FKBP15: variants seen among roughly 807,000 people sequenced by gnomAD.
The protein encoded by FKBP15 is FK506-binding protein 15.
Under a neutral mutation model 158.1 loss-of-function variants are expected in FKBP15, and 106 were observed. The observed-to-expected ratio is 0.67, with a 90% CI of 0.57 to 0.79. FKBP15 has a LOEUF of 0.79. FKBP15 is among the 30% of genes least tolerant of loss of function. The probability of loss-of-function intolerance (pLI) is 0.00; values close to 1 mark genes in which losing one functional copy is unlikely to be tolerated. For missense variants in FKBP15, 1,287 were observed against 1,479.1 expected (o/e 0.87, Z 2.13); for synonymous variants, 547 against 548.6 (o/e 1.00, Z 0.04).
rs1235087665 is a variant in FKBP15 at position 113,170,199 on chromosome 9, C to T, written c.2767-257G>A. ...AGTGCAGTTGGGGGCAATCATGGCT[C>T]ACTGTAGTCTTGAACTCCTGGGCTC... On this transcript the variant is annotated intron_variant, in intron 25 of 27. Coordinates refer to ENST00000238256, the MANE Select transcript of FKBP15 (RefSeq NM_015258.2). Among the ~76,000 whole-genome samples the T allele has an allele frequency of 3.3e-5, 5 of 152,190 alleles. No homozygotes were observed. The South Asian group carries it at 6.2e-4, about 19-fold the overall frequency.
At chr9:113,216,083 GAAAAAAA>G (rs71491081) in intron 1 of FKBP15, among the ~76,000 whole-genome samples, 5 of 86,014 alleles carry the variant, frequency 5.8e-5, no homozygotes, top group Admixed American at 1.5e-4. Flanking sequence ...TTTATTTTGT[GAAAAAAA>G]AAAAAAAAAA....
intron 4 of FKBP15, chr9:113,206,221 C>A: frequency 2.1e-6 from 1 of 467,376 alleles, no homozygotes; most frequent in Non-Finnish European, 3.8e-6. Context: ...TGTACACACG[C>A]ACCCCACAAT....
intron 26 of FKBP15, 104 bp downstream of exon 26, chr9:113,169,120 G>A: frequency 1.4e-6 from 2 of 1,386,274 alleles, no homozygotes; most frequent in African/African-American, 1.5e-5. Flanking sequence ...ATGAAGACAT[G>A]AGTAAATTAG....
At chr9:113,195,038 T>C (rs1174149538) in intron 9 of FKBP15, among the ~76,000 whole-genome samples, 3 of 152,224 alleles carry the variant, frequency 2.0e-5, no homozygotes, top group South Asian at 2.1e-4. Flanking sequence ...TTAGTTAAAA[T>C]TGTTGGATAA....
intron 26 of FKBP15, 97 bp downstream of exon 26, chr9:113,169,127 T>C: frequency 7.0e-7 from 1 of 1,435,038 alleles, no homozygotes; most frequent in Non-Finnish European, 9.2e-7. Flanking sequence ...CATGAGTAAA[T>C]TAGTCTCTGA....
intron 1 of FKBP15, among the ~76,000 whole-genome samples, 179 bp downstream of exon 1, chr9:113,221,012 C>T (rs915758723): frequency 5.3e-5 from 8 of 152,162 alleles, no homozygotes; most frequent in South Asian, 2.1e-4. Flanking sequence ...AACCTCAGAT[C>T]GGCAGGGTCA....
At chr9:113,215,612 G>A in intron 1 of FKBP15, among the ~76,000 whole-genome samples, 1 of 110,624 alleles carries the variant, frequency 9.0e-6, no homozygotes, top group Non-Finnish European at 1.8e-5. Context: ...GTGCGTGTGT[G>A]TGTGTGTGTG....
chr9:113,169,729 A>G lies in FKBP15; in HGVS notation c.2980T>C (p.Leu994=), dbSNP rs1305866825. The part of the protein sequence containing the change: ...SEQVVEEAVP[L]PPQALTTSQD... ...GAAGTGGTGAGGGCCTGAGGAGGCA[A>G]CGGGACAGCTTCCTCGACCACCTGC... The change falls in exon 26 of 28, where the codon TTG becomes CTG. Residue 994 remains leucine (L), a synonymous_variant. Coordinates refer to ENST00000238256, the MANE Select transcript of FKBP15 (RefSeq NM_015258.2). 1 of 1,613,272 alleles carries G rather than the reference A, an allele frequency of 6.2e-7. No individual in the cohort carries two copies. Among genetic ancestry groups the G allele is most frequent in the African/African-American group, 1.3e-5 (1 of 74,892 alleles).
chr9:113,193,699 C>A (rs1446673577), intron 10 of FKBP15, 150 bp from the exon 11 acceptor site: 3 of 685,656 alleles, frequency 4.4e-6, no homozygotes, highest in African/African-American at 3.6e-5. Flanking sequence ...TTTGCATAAT[C>A]TTTGAATGCT....
Position 113,206,555 on chromosome 9 carries a change from T to A in FKBP15, c.278A>T (p.Gln93Leu). 6.2e-7 allele frequency: 1 copy of A among 1,613,968 alleles called. No homozygotes were observed. Among genetic ancestry groups the A allele is most frequent in the Non-Finnish European group, 8.5e-7 (1 of 1,179,850 alleles). The change falls in exon 4 of 28, where the codon CAG (glutamine) becomes CTG (leucine). Residue 93 changes from glutamine (Q) to leucine (L), a missense_variant. Gln to Leu is a moderately radical substitution (Grantham distance 113). Coordinates refer to ENST00000238256, the MANE Select transcript of FKBP15 (RefSeq NM_015258.2). ...CAGAACTGCAGCACCAAATTTGCCCTGCTTTACATATTGACCATTTGTGCT... is the reference window on the plus strand; with the variant it reads ...CAGAACTGCAGCACCAAATTTGCCCAGCTTTACATATTGACCATTTGTGCT... ...YRYTNGQYVK[Q>L]GKFGAAVLGN...
At chr9:113,200,812 G>A (rs1024006495) in intron 6 of FKBP15, among the ~76,000 whole-genome samples, 11 of 152,032 alleles carry the variant, frequency 7.2e-5, no homozygotes, top group Non-Finnish European at 1.3e-4. Flanking sequence ...TTGGGAGGCC[G>A]AGGTGGGCGG....
chr9:113,194,813 T>C (rs16926788), intron 9 of FKBP15, among the ~76,000 whole-genome samples: 2,656 of 152,302 alleles, frequency 0.017, 92 homozygotes, highest in African/African-American at 0.061. Flanking sequence ...TTATGATCTA[T>C]AGGAAAAAGT....
At chr9:113,220,762 T>C (rs753762157) in intron 1 of FKBP15, among the ~76,000 whole-genome samples, 2 of 152,166 alleles carry the variant, frequency 1.3e-5, no homozygotes, top group Non-Finnish European at 2.9e-5. Flanking sequence ...ATCCAAAACG[T>C]GACATCCGAG....
chr9:113,207,326 A>G (rs1268861857), intron 2 of FKBP15, 30 bp from the exon 3 acceptor site: 1 of 1,540,992 alleles, frequency 6.5e-7, no homozygotes. Flanking sequence ...CAAAGTTGTC[A>G]TTCACTTCTT....
chr9:113,172,159 C>G (rs1022039577), intron 23 of FKBP15, among the ~76,000 whole-genome samples: 4 of 152,102 alleles, frequency 2.6e-5, no homozygotes, highest in Admixed American at 2.6e-4. Flanking sequence ...TCAACCATGT[C>G]CCTGCAAAGG....
At chr9:113,201,162 G>A (rs1347176115) in intron 6 of FKBP15, among the ~76,000 whole-genome samples, 2 of 151,308 alleles carry the variant, frequency 1.3e-5, no homozygotes, top group African/African-American at 2.4e-5. Context: ...CTAAATGCTG[G>A]CAAAGGTACG....
In FKBP15 at chr9:113,173,502, C is replaced by T; in HGVS notation, c.2483G>A (p.Cys828Tyr). Residue 828 changes from cysteine (C) to tyrosine (Y), a missense_variant, in exon 23 of 28, where the codon TGC becomes TAC. Transcript: ENST00000238256. The stretch of plus-strand genomic sequence containing the variant: ...CTGCTGGTAGGCATCTCTCTGTGCG[C>T]ACACCTCCTGGTACTGCTGCAGGTG... ...DEHLQQYQEV[C>Y]AQRDAYQQKL... 2 of 1,613,992 alleles carry T rather than the reference C, an allele frequency of 1.2e-6. No homozygotes were observed. Among genetic ancestry groups the T allele is most frequent in the Non-Finnish European group, 8.5e-7 (1 of 1,179,872 alleles).
At chr9:113,214,612 A>G (rs1358770056) in intron 1 of FKBP15, among the ~76,000 whole-genome samples, 1 of 152,246 alleles carries the variant, frequency 6.6e-6, no homozygotes, top group Non-Finnish European at 1.5e-5. Context: ...GGAATGGTAC[A>G]TGAGCAACGG....
chr9:113,207,387 TG>T, intron 2 of FKBP15, 91 bp from the exon 3 acceptor site: 1 of 917,600 alleles, frequency 1.1e-6, no homozygotes, highest in South Asian at 1.5e-5. Context: ...TCACCCAGGC[TG>T]GAGTGCAGTG....
Sources: gnomAD v4.1 joint callset for allele counts (sites outside exome capture counted in the v4.1 genomes callset) on GRCh38, gnomAD v4.1.1 for gene constraint, MANE v1.5 for transcripts, NCBI Gene and HGNC (gene_info 2026-07-23, HGNC 2026-07-21) for gene names.